The following IL1RL1 variants were observed in gnomAD, a reference collection of about 807,000 sequenced individuals.
IL1RL1 encodes the protein interleukin-1 receptor-like 1.
Under a neutral mutation model 50.9 loss-of-function variants are expected in IL1RL1, and 32 were observed. The observed-to-expected ratio is 0.63, with a 90% CI of 0.47 to 0.84. The LOEUF (loss-of-function observed/expected upper bound fraction) is 0.84. IL1RL1 is among the 40% of genes least tolerant of loss of function. The pLI, the probability that IL1RL1 is intolerant of heterozygous loss-of-function variation, is 0.00. For synonymous variants in IL1RL1, 275 were observed against 236.0 expected, an observed-to-expected ratio of 1.17 and a Z score of -1.51; for missense variants, 773 against 662.9, an observed-to-expected ratio of 1.17 and a Z score of -1.82.
chr2:102,347,449 A>G (rs1228574909), intron 8 of IL1RL1, among the ~76,000 whole-genome samples: 1 of 152,162 alleles, frequency 6.6e-6, no homozygotes, highest in Non-Finnish European at 1.5e-5. Context: ...CAAACTTTCT[A>G]ATCATATCTT....
At chr2:102,340,903 T>A in intron 5 of IL1RL1, 75 bp downstream of exon 5, 1 of 1,216,366 alleles carries the variant, frequency 8.2e-7, no homozygotes. Flanking sequence ...CCCTTCTGGT[T>A]GGGTTTCTTG....
rs566179866 is a variant in IL1RL1 at position 102,345,574 on chromosome 2, G to T, written c.970+2159G>T. ...AGAGAGGCACAACAGGAGGAGAAAG[G>T]ATAGGGGTGTGGGGACAGCGGGCCC... On this transcript the variant is annotated intron_variant, in intron 8 of 10. Transcript: ENST00000233954. 19 of 985,474 alleles carry T rather than the reference G, an allele frequency of 1.9e-5. No homozygotes were observed. The African/African-American group carries it at 3.0e-4, about 15-fold the overall frequency. 61.0% of individuals were successfully genotyped at this position (985,474 alleles called of 1,614,324 possible).
intron 1 of IL1RL1, among the ~76,000 whole-genome samples, chr2:102,316,770 CTATT>C (rs1676685835): frequency 1.3e-5 from 2 of 152,110 alleles, no homozygotes; most frequent in Admixed American, 1.3e-4. Context: ...TAGATACAGA[CTATT>C]TAAGAGACAA....
rs1303334375 is a variant in IL1RL1, at chr2:102,323,273, A to ATATATATATAGT, written c.-150+11650_-150+11651insTATATATATAGT. On this transcript the variant is annotated intron_variant, in intron 1 of 10. Coordinates refer to ENST00000233954, the MANE Select transcript of IL1RL1 (RefSeq NM_016232.5). ...TATATATATATATATATATATATAT[A>ATATATATATAGT]GTGTGTGTGTGTGTGTGTGTGTATA... 5.7e-3 allele frequency among the ~76,000 whole-genome samples: 277 copies of ATATATATATAGT among 48,402 alleles called. 1 individual carries two copies. Among genetic ancestry groups the ATATATATATAGT allele is most frequent in the Middle Eastern group, 0.018 (1 of 56 alleles). The allele number at this position is 48,402 out of a possible 152,430, so 31.8% of individuals were successfully genotyped here. A position where few individuals can be genotyped will look rare whatever the true frequency, so the allele number is the denominator to read the frequency against.
In IL1RL1 at chr2:102,343,268, A is replaced by G; in HGVS notation, c.825-2A>G. The G allele has an allele frequency of 3.1e-6, 5 of 1,614,188 alleles. No homozygotes were observed. The highest frequency in any genetic ancestry group is 4.2e-6 in the Non-Finnish European group (5 of 1,180,012). ...ATTAAAAGTAACAGGTTGCTTTCTT[A>G]GTTTCAGCAATGGGCTGGCTTGTCT... On this transcript the variant is annotated splice_acceptor_variant, in intron 7 of 10. Coordinates refer to ENST00000233954, the MANE Select transcript of IL1RL1 (RefSeq NM_016232.5). LOFTEE classifies it high-confidence loss of function.
chr2:102,342,310 A>T lies in IL1RL1; in HGVS notation c.682+16A>T. 6.4e-7 allele frequency: 1 copy of T among 1,557,796 alleles called. No homozygotes were observed. The highest frequency in any genetic ancestry group is 8.9e-7 in the Non-Finnish European group (1 of 1,129,220). On this transcript the variant is annotated intron_variant, in intron 6 of 10. Transcript: ENST00000233954. ...GTGGAAATTGGTAAGAAAATTTATCAGAATGCTGTAAATATTGCCTGGAAA... is the reference window on the plus strand; with the variant it reads ...GTGGAAATTGGTAAGAAAATTTATCTGAATGCTGTAAATATTGCCTGGAAA...
downstream of IL1RL1, chr2:102,352,112 C>G (rs1237439248): frequency 9.0e-6 from 5 of 553,634 alleles, no homozygotes; most frequent in Non-Finnish European, 1.6e-5. Flanking sequence ...TTTTTCTCCT[C>G]AATCCTCCAC....
chr2:102,328,918 T>G (rs76278109), intron 1 of IL1RL1, among the ~76,000 whole-genome samples: 74,902 of 151,892 alleles, frequency 0.49, 18,623 homozygotes, highest in Middle Eastern at 0.64. Flanking sequence ...ACTGCCCAAG[T>G]TAATTTATAG....
At chr2:102,312,309 T>C (rs915401391) in intron 1 of IL1RL1, among the ~76,000 whole-genome samples, 21 of 149,568 alleles carry the variant, frequency 1.4e-4, no homozygotes, top group South Asian at 4.2e-4. Context: ...ATAACAATAA[T>C]AATCATTGTT....
chr2:102,342,427 C>G (rs973938184), intron 6 of IL1RL1, 133 bp downstream of exon 6: 15 of 623,224 alleles, frequency 2.4e-5, no homozygotes, highest in Non-Finnish European at 4.0e-5. Context: ...GGTGACATCC[C>G]TGAAAGCACC....
intron 1 of IL1RL1, among the ~76,000 whole-genome samples, chr2:102,321,762 A>C (rs188524593): frequency 1.3e-3 from 200 of 152,376 alleles, no homozygotes; most frequent in African/African-American, 4.8e-3. Context: ...TGTAGAAAAC[A>C]CAAGTGAAAC....
chr2:102,348,854 A>G (rs1394157557), intron 9 of IL1RL1, among the ~76,000 whole-genome samples: 1 of 152,180 alleles, frequency 6.6e-6, no homozygotes, highest in Non-Finnish European at 1.5e-5. Flanking sequence ...TTTGTTATTT[A>G]GTCTGTGACA....
intron 1 of IL1RL1, among the ~76,000 whole-genome samples, chr2:102,332,222 A>G (rs972092454): frequency 6.6e-6 from 1 of 152,212 alleles, no homozygotes; most frequent in Non-Finnish European, 1.5e-5. Context: ...AATAATAAAC[A>G]TGATGCATAA....
At chr2:102,325,946 G>T (rs1274050679) in intron 1 of IL1RL1, among the ~76,000 whole-genome samples, 1 of 152,196 alleles carries the variant, frequency 6.6e-6, no homozygotes, top group Non-Finnish European at 1.5e-5. Context: ...TTATCCAGGA[G>T]AACTTCCCCA....
intron 1 of IL1RL1, among the ~76,000 whole-genome samples, chr2:102,318,777 T>C (rs11123918): frequency 0.48 from 72,725 of 151,906 alleles, 17,701 homozygotes; most frequent in Middle Eastern, 0.64. Flanking sequence ...ATTGTTCCAC[T>C]TTGACAGAGG....
chr2:102,340,207 A>T lies in IL1RL1; in HGVS notation c.382A>T (p.Asn128Tyr), dbSNP rs1402341768. ...MYSTVSGSEK[N>Y]SKIYCPTIDL... ...TTCAACAGTATCTGGATCAGAAAAAAATTCCAAAATTTATTGTCCTACCAT... is the reference window on the plus strand; with the variant it reads ...TTCAACAGTATCTGGATCAGAAAAATATTCCAAAATTTATTGTCCTACCAT... Residue 128 changes from asparagine (N) to tyrosine (Y), a missense_variant, in exon 4 of 11, where the codon AAT (asparagine) becomes TAT (tyrosine). Transcript: ENST00000233954. The T allele has an allele frequency of 6.2e-7, 1 of 1,606,222 alleles. No homozygotes were observed. Among genetic ancestry groups the T allele is most frequent in the Non-Finnish European group, 8.5e-7 (1 of 1,177,740 alleles).
chr2:102,337,532 C>T (rs1342729949), intron 1 of IL1RL1, among the ~76,000 whole-genome samples: 1 of 152,138 alleles, frequency 6.6e-6, no homozygotes. Context: ...CATAGACCTT[C>T]AACTACTCTT....
chr2:102,350,089 A>G (rs10197862), intron 10 of IL1RL1, among the ~76,000 whole-genome samples: 26,661 of 152,238 alleles, frequency 0.18, 2,674 homozygotes, highest in African/African-American at 0.26. Context: ...TAACGGCTCA[A>G]GAGACTTGTG....
intron 1 of IL1RL1, among the ~76,000 whole-genome samples, chr2:102,312,143 C>T (rs895765744): frequency 2.4e-5 from 3 of 123,556 alleles, no homozygotes; most frequent in Non-Finnish European, 4.9e-5. Context: ...GGAAAACATT[C>T]ACTCAATGAC....
Sources: allele counts gnomAD v4.1 joint callset (sites outside exome capture counted in the v4.1 genomes callset), GRCh38; gene constraint gnomAD v4.1.1; transcripts MANE v1.5; gene names NCBI Gene and HGNC (gene_info 2026-07-23, HGNC 2026-07-21).